Variants in PTPRQ observed in about 807,000 individuals in gnomAD.
PTPRQ encodes protein tyrosine phosphatase receptor type Q.
PTPRQ carries 199 observed loss-of-function variants against 246.0 expected under a neutral mutation model. That is an observed-to-expected ratio of 0.81 (90% confidence interval 0.72 to 0.91). The LOEUF (loss-of-function observed/expected upper bound fraction) is 0.91, where lower values mean the gene tolerates loss of function less well. Ranked by LOEUF, PTPRQ falls within the 40% of genes least tolerant of loss-of-function variation. The pLI is 0.00. For synonymous variants in PTPRQ, 869 were observed against 853.2 expected, an observed-to-expected ratio of 1.02 and a Z score of -0.32; for missense variants, 2,624 against 2,528.4, an observed-to-expected ratio of 1.04 and a Z score of -0.81.
At chr12:80,623,350 C>T (rs1479487946) in intron 33 of PTPRQ, among the ~76,000 whole-genome samples, 1 of 152,254 alleles carries the variant, frequency 6.6e-6, no homozygotes, top group South Asian at 2.1e-4. Flanking sequence ...TAACAAATTT[C>T]TTTGGCTAAA....
chr12:80,455,102 G>C (rs1378919288), intron 3 of PTPRQ, among the ~76,000 whole-genome samples: 1 of 152,160 alleles, frequency 6.6e-6, no homozygotes, highest in African/African-American at 2.4e-5. Context: ...GAACCCGGGA[G>C]GCAGAGGTTG....
At chr12:80,505,992 G>A in intron 14 of PTPRQ, 32 bp from the exon 15 acceptor site, 1 of 1,527,152 alleles carries the variant, frequency 6.5e-7, no homozygotes. Flanking sequence ...GAATGGAATT[G>A]TTTTATGTAT....
chr12:80,564,939 A>G (rs1342825990), intron 25 of PTPRQ, among the ~76,000 whole-genome samples: 1 of 152,210 alleles, frequency 6.6e-6, no homozygotes, highest in Non-Finnish European at 1.5e-5. Flanking sequence ...GTATAGATAC[A>G]TTTATAATGT....
intron 9 of PTPRQ, among the ~76,000 whole-genome samples, chr12:80,489,560 G>C (rs754882708): frequency 3.3e-5 from 5 of 152,038 alleles, no homozygotes; most frequent in East Asian, 1.9e-4. Context: ...ATGGCTTCTA[G>C]GTCCTTCATA....
At chr12:80,590,232 TAAAC>T in intron 26 of PTPRQ, among the ~76,000 whole-genome samples, 1 of 152,284 alleles carries the variant, frequency 6.6e-6, no homozygotes, top group Middle Eastern at 3.4e-3. Context: ...CCACACCATC[TAAAC>T]AAATTCCTCC....
chr12:80,650,285 T>C (rs972050386), intron 37 of PTPRQ, among the ~76,000 whole-genome samples: 2 of 151,300 alleles, frequency 1.3e-5, no homozygotes, highest in Admixed American at 6.6e-5. Context: ...TAAGAATTTG[T>C]CACTTTAAAT....
chr12:80,589,816 G>T (rs1304842597), intron 26 of PTPRQ, among the ~76,000 whole-genome samples: 2 of 152,054 alleles, frequency 1.3e-5, no homozygotes, highest in African/African-American at 4.8e-5. Flanking sequence ...CTTCCTGGTA[G>T]CTCCGTCTCC....
intron 17 of PTPRQ, among the ~76,000 whole-genome samples, chr12:80,524,680 AT>A (rs2120770397): frequency 6.6e-6 from 1 of 152,230 alleles, no homozygotes; most frequent in Non-Finnish European, 1.5e-5. Context: ...ACTAGTTACC[AT>A]TTTGAGACAA....
intron 34 of PTPRQ, 143 bp from the exon 35 acceptor site, chr12:80,634,802 C>G: frequency 8.3e-7 from 1 of 1,201,582 alleles, no homozygotes. Context: ...AGTCGAGTAG[C>G]TATAAATTTG....
chr12:80,638,267 TAAA>T (rs148232481), intron 35 of PTPRQ, among the ~76,000 whole-genome samples: 4 of 138,610 alleles, frequency 2.9e-5, no homozygotes, highest in Admixed American at 7.3e-5. Context: ...GAAACTCCGT[TAAA>T]AAAAAAAAAA....
At chr12:80,656,605 A>G (rs1376421374) in intron 38 of PTPRQ, among the ~76,000 whole-genome samples, 3 of 152,080 alleles carry the variant, frequency 2.0e-5, no homozygotes, top group Non-Finnish European at 4.4e-5. Context: ...AGTTTCTGAC[A>G]TTTTTCTCTG....
intron 33 of PTPRQ, among the ~76,000 whole-genome samples, chr12:80,624,814 G>C (rs146940881): frequency 6.6e-6 from 1 of 152,116 alleles, no homozygotes; most frequent in Non-Finnish European, 1.5e-5. Flanking sequence ...CAATCTATTG[G>C]CTTTTCTAGG....
At chr12:80,490,854 A>G (rs1358800792) in intron 9 of PTPRQ, among the ~76,000 whole-genome samples, 2 of 151,742 alleles carry the variant, frequency 1.3e-5, no homozygotes, top group African/African-American at 4.8e-5. Flanking sequence ...CTTTCCCAAC[A>G]TTTTTGCTTT....
At chr12:80,448,425 C>A (rs187311410) in intron 3 of PTPRQ, among the ~76,000 whole-genome samples, 141 of 152,166 alleles carry the variant, frequency 9.3e-4, no homozygotes, top group African/African-American at 3.3e-3. Context: ...GCACAATGTG[C>A]AGGTTAGTTA....
chr12:80,447,660 C>A (rs1006533085), intron 3 of PTPRQ, among the ~76,000 whole-genome samples: 6 of 146,294 alleles, frequency 4.1e-5, no homozygotes, highest in African/African-American at 1.5e-4. Flanking sequence ...ACAGAATATC[C>A]TTTCCCCATT....
intron 25 of PTPRQ, among the ~76,000 whole-genome samples, chr12:80,585,995 T>C (rs887738686): frequency 2.6e-5 from 4 of 151,276 alleles, no homozygotes; most frequent in Admixed American, 2.6e-4. Flanking sequence ...TTGGTTTTTT[T>C]GTTCTTGCGA....
intron 6 of PTPRQ, 58 bp downstream of exon 6, chr12:80,460,960 T>A (rs1040364607): frequency 8.5e-5 from 34 of 397,918 alleles, no homozygotes; most frequent in Non-Finnish European, 1.3e-4. Context: ...AATGTTTAAT[T>A]TATGTAGATA....
chr12:80,635,873 T>C (rs1354699277), intron 35 of PTPRQ, among the ~76,000 whole-genome samples: 2 of 152,164 alleles, frequency 1.3e-5, no homozygotes, highest in Admixed American at 6.5e-5. Flanking sequence ...ACCAAGTATT[T>C]GCTCAGCTCT....
chr12:80,516,394 C>A (rs750254318), intron 17 of PTPRQ, among the ~76,000 whole-genome samples: 6 of 152,056 alleles, frequency 3.9e-5, no homozygotes, highest in Non-Finnish European at 7.4e-5. Flanking sequence ...TCTCAATTTT[C>A]TTAGTAGTAA....
Sources: gnomAD v4.1 joint callset for allele counts (sites outside exome capture counted in the v4.1 genomes callset) on GRCh38, gnomAD v4.1.1 for gene constraint, MANE v1.5 for transcripts, NCBI Gene and HGNC (gene_info 2026-07-23, HGNC 2026-07-21) for gene names.